The following IL1RAPL2 variants were observed in gnomAD, a reference collection of about 807,000 sequenced individuals.
IL1RAPL2 encodes X-linked interleukin-1 receptor accessory protein-like 2.
A neutral mutation model predicts 44.1 loss-of-function variants in IL1RAPL2; 3 were observed. The ratio of observed to expected loss-of-function variants is 0.07; its 90% CI spans 0.03 to 0.18. The LOEUF is 0.18. Among genes scored for constraint, IL1RAPL2 ranks in the 10% least tolerant of loss-of-function variants. The pLI, the probability that IL1RAPL2 is intolerant of heterozygous loss-of-function variation, is 1.00. For synonymous variants in IL1RAPL2, 181 were observed against 178.8 expected (o/e 1.01, Z -0.10); for missense variants, 391 against 496.4 (o/e 0.79, Z 2.02).
rs1257849674 is a variant in IL1RAPL2 at position 104,719,548 on chromosome X, G to A, written c.82+60553G>A. On this transcript the variant is annotated intron_variant, in intron 2 of 10. Coordinates refer to ENST00000372582, the MANE Select transcript of IL1RAPL2 (RefSeq NM_017416.2). Reference sequence around the variant, plus strand: ...AACCAATTAATGTAGCAAGGGAATAGCATTACTCTGATTGTCTCATACCAA... The same window carrying A: ...AACCAATTAATGTAGCAAGGGAATAACATTACTCTGATTGTCTCATACCAA... 1.1e-4 allele frequency among the ~76,000 whole-genome samples: 12 copies of A among 111,597 alleles called. No individual in the cohort carries two copies. In the East Asian group the frequency reaches 3.4e-3, roughly 32 times the overall value.
chrX:105,676,197 G>A (rs1404138069), intron 6 of IL1RAPL2: 5 of 111,582 alleles, frequency 4.5e-5, no homozygotes, highest in African/African-American at 1.6e-4. Flanking sequence ...CTTCTAAAAC[G>A]ATTTTTAAAA....
chrX:105,711,132 T>C (rs769405302), intron 6 of IL1RAPL2, among the ~76,000 whole-genome samples: 1 of 110,011 alleles, frequency 9.1e-6, no homozygotes, highest in East Asian at 2.9e-4. Flanking sequence ...TCTTAACATA[T>C]AGAACAGATG....
At chrX:105,674,903 T>C (rs141096192) in intron 6 of IL1RAPL2, among the ~76,000 whole-genome samples, 2,225 of 110,210 alleles carry the variant, frequency 0.02, 27 homozygotes, top group Admixed American at 0.048. Flanking sequence ...TTCCTAGGTA[T>C]TTTATTCTCT....
At chrX:105,134,621 G>A (rs770694314) in intron 2 of IL1RAPL2, among the ~76,000 whole-genome samples, 2 of 111,300 alleles carry the variant, frequency 1.8e-5, no homozygotes, top group South Asian at 7.6e-4. Context: ...TGAGGGTGAG[G>A]AGAGACTTTA....
At chrX:105,057,119 A>C (rs779631044) in intron 2 of IL1RAPL2, among the ~76,000 whole-genome samples, 1 of 60,247 alleles carries the variant, frequency 1.7e-5, no homozygotes, top group South Asian at 1.4e-3. Flanking sequence ...ATTAAAAATA[A>C]TTTTAAACAG....
intron 2 of IL1RAPL2, among the ~76,000 whole-genome samples, chrX:105,094,748 G>A (rs1252369512): frequency 9.0e-6 from 1 of 111,263 alleles, no homozygotes. Context: ...GATAGGGATT[G>A]CATTAAATCT....
intron 2 of IL1RAPL2, among the ~76,000 whole-genome samples, chrX:104,948,545 G>T (rs1369718688): frequency 1.9e-5 from 2 of 106,154 alleles, no homozygotes; most frequent in African/African-American, 6.8e-5. Context: ...TATGATATTG[G>T]CTGTGGGTTT....
intron 2 of IL1RAPL2, among the ~76,000 whole-genome samples, chrX:104,948,404 T>C (rs2147707986): frequency 9.8e-6 from 1 of 102,402 alleles, no homozygotes; most frequent in Admixed American, 1.1e-4. Context: ...TTGAATACCC[T>C]TTATTTCCTT....
At chrX:105,719,499 A>T (rs1177212342) in intron 7 of IL1RAPL2, among the ~76,000 whole-genome samples, 1 of 111,484 alleles carries the variant, frequency 9.0e-6, no homozygotes, top group Admixed American at 9.6e-5. Flanking sequence ...ATTTAATGGC[A>T]TTCAGTACAT....
intron 2 of IL1RAPL2, among the ~76,000 whole-genome samples, chrX:105,009,611 AG>A (rs775393432): frequency 3.2e-4 from 15 of 47,060 alleles, no homozygotes; most frequent in African/African-American, 1.2e-3. Flanking sequence ...GGGTGGGGGG[AG>A]GGGGGCGAGA....
At chrX:105,076,448 G>A (rs1002136566) in intron 2 of IL1RAPL2, among the ~76,000 whole-genome samples, 5 of 111,598 alleles carry the variant, frequency 4.5e-5, no homozygotes, top group African/African-American at 1.6e-4. Flanking sequence ...TTGCTGAGGA[G>A]TGTTTTACAT....
At chrX:104,861,651 C>T (rs1467569587) in intron 2 of IL1RAPL2, among the ~76,000 whole-genome samples, 4 of 110,012 alleles carry the variant, frequency 3.6e-5, no homozygotes, top group Non-Finnish European at 7.6e-5. Context: ...GATTTGGTAC[C>T]CTCGAGAGTA....
rs782637436 is a variant in IL1RAPL2 at position 105,195,608 on chromosome X, C to T, written c.216C>T (p.Leu72=). The change falls in exon 3 of 11, where the codon CTC becomes CTT. Residue 72 remains leucine, a synonymous_variant. Transcript: ENST00000372582. ...ATAGCACGGCCCAGAGCACTGGGCT[C>T]AGGCTTATGTGGTACAAAAACAAAG... ...TNYSTAQSTG[L]RLMWYKNKGD... is the part of the protein sequence containing the mutation. 8.3e-7 allele frequency: 1 copy of T among 1,211,795 alleles called. No homozygotes were observed. The highest frequency in any genetic ancestry group is 1.1e-6 in the Non-Finnish European group (1 of 895,451).
At chrX:105,039,958 C>T (rs1468377632) in intron 2 of IL1RAPL2, among the ~76,000 whole-genome samples, 30 of 110,398 alleles carry the variant, frequency 2.7e-4, no homozygotes, top group African/African-American at 9.6e-4. Flanking sequence ...TGTCTTGTGC[C>T]AGTTTTCAAA....
rs2035965647 is a variant in IL1RAPL2 at position 105,447,144 on chromosome X, AATATATATAAATATAAATAT to A, written c.698-37163_698-37144del. Reference sequence around the variant, plus strand: ...AAATATAAATATATATATGAATATAAATATATATAAATATAAATATATATAAATATATATATAAATATAAA... The same window carrying A: ...AAATATAAATATATATATGAATATAAATATAAATATATATATAAATATAAA... On this transcript the variant is annotated intron_variant, in intron 5 of 10. Coordinates refer to ENST00000372582, the MANE Select transcript of IL1RAPL2 (RefSeq NM_017416.2). Among the ~76,000 whole-genome samples the A allele has an allele frequency of 5.0e-4, 25 of 49,528 alleles. 2 individuals are homozygous for A. The highest frequency in any genetic ancestry group is 1.7e-3 in the African/African-American group (21 of 12,481). The allele number at this position is 49,528 out of a possible 115,157, so 43.0% of individuals were successfully genotyped here.
Position 104,899,938 on chromosome X carries a change from A to G in IL1RAPL2, c.82+240943A>G, listed in dbSNP as rs182912893. ...GTAATGACACCTTGCTTCTCTAGAG[A>G]TGAGAAGTGTGAGAAAGCCCACCTG... On this transcript the variant is annotated intron_variant, in intron 2 of 10. Transcript: ENST00000372582. 2.9e-3 allele frequency among the ~76,000 whole-genome samples: 326 copies of G among 112,565 alleles called. 2 individuals carry two copies. Among genetic ancestry groups the G allele is most frequent in the African/African-American group, 0.01 (314 of 31,062 alleles).
chrX:105,721,597 C>G (rs1271220896), intron 7 of IL1RAPL2, among the ~76,000 whole-genome samples: 1 of 111,507 alleles, frequency 9.0e-6, no homozygotes, highest in East Asian at 2.8e-4. Context: ...CACTGCTACT[C>G]TCTCCAGCAG....
intron 2 of IL1RAPL2, among the ~76,000 whole-genome samples, chrX:104,675,349 G>T (rs1335354234): frequency 9.0e-6 from 1 of 111,504 alleles, no homozygotes; most frequent in Non-Finnish European, 1.9e-5. Context: ...CCTTCATTTC[G>T]TTATGTACCC....
chrX:104,773,706 C>T (rs1368786066), intron 2 of IL1RAPL2, among the ~76,000 whole-genome samples: 6 of 112,235 alleles, frequency 5.3e-5, no homozygotes, highest in Admixed American at 1.9e-4. Context: ...TCTGGAGTTG[C>T]TACAGCCATC....
Sources: gnomAD v4.1 joint callset for allele counts (sites outside exome capture counted in the v4.1 genomes callset) on GRCh38, gnomAD v4.1.1 for gene constraint, MANE v1.5 for transcripts, NCBI Gene and HGNC (gene_info 2026-07-23, HGNC 2026-07-21) for gene names.